PLLP: variants seen among roughly 807,000 people sequenced by gnomAD.
PLLP encodes the protein plasma membrane proteolipid (plasmolipin).
PLLP carries 15 observed loss-of-function variants against 19.7 expected under a neutral mutation model. That is an observed-to-expected ratio of 0.76 (90% CI 0.51 to 1.17). The LOEUF (loss-of-function observed/expected upper bound fraction) is 1.17. Ranked by LOEUF, PLLP falls within the 50% of genes most tolerant of loss-of-function variation. The pLI is 0.00. For missense variants in PLLP, 255 were observed against 258.3 expected (o/e 0.99, Z 0.09); for synonymous variants, 111 against 116.3 (o/e 0.95, Z 0.29).
At chr16:57,273,452 G>A (rs916474771) in intron 1 of PLLP, among the ~76,000 whole-genome samples, 2 of 152,128 alleles carry the variant, frequency 1.3e-5, no homozygotes, top group South Asian at 2.1e-4. Flanking sequence ...CTCCCTGCCT[G>A]CAACTCCCTG....
At chr16:57,263,897 A>G (rs932878667) in intron 1 of PLLP, among the ~76,000 whole-genome samples, 3 of 152,212 alleles carry the variant, frequency 2.0e-5, no homozygotes, top group Non-Finnish European at 4.4e-5. Flanking sequence ...GCGCCCAGGT[A>G]CATGGCACCA....
In PLLP at chr16:57,284,484, G is replaced by C. The variant is rs1309522777; in HGVS notation, c.57C>G (p.Ala19=). The change falls in exon 1 of 4, where the codon GCC becomes GCG. Residue 19 remains alanine (A), a synonymous_variant. Coordinates refer to ENST00000219207, the MANE Select transcript of PLLP (RefSeq NM_015993.3). The part of the protein sequence containing the change: ...STRTSSPAQG[A]EASVSALRPD... Reference sequence around the variant, plus strand: ...GGCGCAGCGCCGACACCGAGGCTTCGGCGCCCTGCGCAGGACTGCTGGTCC... The same window carrying C: ...GGCGCAGCGCCGACACCGAGGCTTCCGCGCCCTGCGCAGGACTGCTGGTCC... The C allele has an allele frequency of 1.4e-6, 2 of 1,440,416 alleles. No homozygotes were observed. The highest frequency in any genetic ancestry group is 9.2e-7 in the Non-Finnish European group (1 of 1,091,960). The allele number at this position is 1,440,416 out of a possible 1,614,324, so 89.2% of individuals were successfully genotyped here.
chr16:57,279,733 C>T (rs946446625), intron 1 of PLLP, among the ~76,000 whole-genome samples: 5 of 151,876 alleles, frequency 3.3e-5, no homozygotes, highest in African/African-American at 1.2e-4. Flanking sequence ...AGTGCAGTGA[C>T]GTGATCATGG....
chr16:57,277,567 G>T (rs1309017210), intron 1 of PLLP, among the ~76,000 whole-genome samples: 1 of 152,066 alleles, frequency 6.6e-6, no homozygotes, highest in Non-Finnish European at 1.5e-5. Flanking sequence ...CTCCAGCCTG[G>T]GTGACAGAGC....
intron 1 of PLLP, among the ~76,000 whole-genome samples, chr16:57,266,400 A>T (rs1401120122): frequency 6.6e-6 from 1 of 152,176 alleles, no homozygotes; most frequent in African/African-American, 2.4e-5. Context: ...AACCAGACAG[A>T]CTGGTTTCTC....
chr16:57,283,072 A>G (rs1192110043), intron 1 of PLLP, among the ~76,000 whole-genome samples: 3 of 152,132 alleles, frequency 2.0e-5, no homozygotes, highest in African/African-American at 7.2e-5. Context: ...CTCTTCCCTC[A>G]GAAGACAGAA....
rs1567528061 is a variant in PLLP at position 57,256,664 on chromosome 16, A to G, written c.*249T>C. ...GAGACACAGCCTCAGATCCCCCGTC[A>G]TCTTCCACTGAATAAGGGGGATGGA... On this transcript the variant is annotated 3_prime_UTR_variant, in exon 4 of 4. Transcript: ENST00000219207. 4.1e-6 allele frequency: 2 copies of G among 487,296 alleles called. No homozygotes were observed. The highest frequency in any genetic ancestry group is 3.9e-5 in the African/African-American group (2 of 51,530). The allele number at this position is 487,296 out of a possible 1,614,324, so 30.2% of individuals were successfully genotyped here. A position where few individuals can be genotyped will look rare whatever the true frequency, so the allele number is the denominator to read the frequency against.
rs958530170 is a variant in PLLP, at chr16:57,256,372, G to C, written c.*541C>G. On this transcript the variant is annotated 3_prime_UTR_variant, in exon 4 of 4. Transcript: ENST00000219207. ...ACTGGTATGTCTGAAATGCAGGGAGGGAAGACCATGCTGTCAGCAATCAAC... is the reference window on the plus strand; with the variant it reads ...ACTGGTATGTCTGAAATGCAGGGAGCGAAGACCATGCTGTCAGCAATCAAC... 7.5e-6 allele frequency: 2 copies of C among 265,682 alleles called. No homozygotes were observed. Among genetic ancestry groups the C allele is most frequent in the South Asian group, 3.4e-4 (2 of 5,822 alleles). 16.5% of individuals were successfully genotyped at this position (265,682 alleles called of 1,614,324 possible). A position where few individuals can be genotyped will look rare whatever the true frequency, so the allele number is the denominator to read the frequency against.
At chr16:57,279,696 G>A (rs983476272) in intron 1 of PLLP, among the ~76,000 whole-genome samples, 4 of 151,356 alleles carry the variant, frequency 2.6e-5, no homozygotes, top group Admixed American at 2.6e-4. Flanking sequence ...AAAAAAAGTA[G>A]GGGTCTTACT....
chr16:57,280,043 T>C (rs1283521662), intron 1 of PLLP, among the ~76,000 whole-genome samples: 2 of 152,240 alleles, frequency 1.3e-5, no homozygotes, highest in African/African-American at 4.8e-5. Context: ...AGCTCTGGTC[T>C]GTCCTGATCC....
At position 57,258,590 on chromosome 16, in the gene PLLP, G is replaced by A. The variant is rs1340875389; in HGVS notation, c.310-6C>T. On this transcript the variant is annotated splice_region_variant and splice_polypyrimidine_tract_variant and intron_variant, in intron 2 of 3. Transcript: ENST00000219207. ...CTGATGTTAAAGATCATTAACTGCA[G>A]GACATGGGGGTAGGGAGTGGGGAGA... 1 of 1,612,532 alleles carries A rather than the reference G, an allele frequency of 6.2e-7. No homozygotes were observed.
chr16:57,274,661 C>T (rs757739050), intron 1 of PLLP, among the ~76,000 whole-genome samples: 8 of 152,028 alleles, frequency 5.3e-5, no homozygotes, highest in Non-Finnish European at 1.2e-4. Context: ...CCATGTTGGC[C>T]AGGCTGGTCT....
intron 1 of PLLP, among the ~76,000 whole-genome samples, chr16:57,268,141 C>T (rs983728031): frequency 1.2e-4 from 18 of 152,160 alleles, no homozygotes; most frequent in African/African-American, 4.1e-4. Context: ...ATGGGACAGA[C>T]TCTCCCTCAG....
chr16:57,277,396 C>G (rs1901166665), intron 1 of PLLP, among the ~76,000 whole-genome samples: 1 of 152,146 alleles, frequency 6.6e-6, no homozygotes, highest in Admixed American at 6.5e-5. Flanking sequence ...TTGAGACCAG[C>G]CTGATCAACA....
chr16:57,256,941 G>A lies in PLLP; in HGVS notation c.521C>T (p.Thr174Ile). 6.2e-7 allele frequency: 1 copy of A among 1,613,220 alleles called. No individual in the cohort carries two copies. Among genetic ancestry groups the A allele is most frequent in the Non-Finnish European group, 8.5e-7 (1 of 1,179,364 alleles). The change falls in exon 4 of 4, where the codon ACC becomes ATC. Residue 174 changes from threonine to isoleucine, a missense_variant. Physicochemically the swap from Thr to Ile is moderately conservative, Grantham distance 89 (BLOSUM62 -1). Transcript: ENST00000219207. ...GGCATAGCCGCCAGCCATCTGACTG[G>A]TGGCCGCATTGCTGCCTACTCCTCG... is the stretch of plus-strand genomic sequence containing the variant. ...AWRGVGSNAA[T>I]SQMAGGYA
intron 1 of PLLP, among the ~76,000 whole-genome samples, chr16:57,281,022 T>G (rs7189707): frequency 5.3e-5 from 8 of 152,044 alleles, no homozygotes; most frequent in African/African-American, 1.9e-4. Flanking sequence ...TAGCTTCCAT[T>G]TTCTCATTTA....
At position 57,284,503 on chromosome 16, in the gene PLLP, C is replaced by T; in HGVS notation, c.38G>A (p.Ser13Asn). 7.1e-7 allele frequency: 1 copy of T among 1,410,262 alleles called. No homozygotes were observed. Among genetic ancestry groups the T allele is most frequent in the Admixed American group, 2.6e-5 (1 of 37,856 alleles). The allele number at this position is 1,410,262 out of a possible 1,614,324, so 87.4% of individuals were successfully genotyped here. A position where few individuals can be genotyped will look rare whatever the true frequency, so the allele number is the denominator to read the frequency against. ...GGCTTCGGCGCCCTGCGCAGGACTG[C>T]TGGTCCGCGTGCTAACTTTCGACGG... ...EFPSKVSTRT[S>N]SPAQGAEASV... is the part of the protein sequence containing the mutation. Residue 13 changes from serine to asparagine, a missense_variant, in exon 1 of 4, where the codon AGC becomes AAC. By Grantham distance (46) the Ser-to-Asn change is conservative. Transcript: ENST00000219207.
intron 1 of PLLP, among the ~76,000 whole-genome samples, chr16:57,276,893 AG>A (rs1388446653): frequency 2.6e-5 from 4 of 152,324 alleles, no homozygotes; most frequent in Middle Eastern, 3.4e-3. Flanking sequence ...GGTGCGCAAC[AG>A]CAAAGGAATA....
At chr16:57,265,483 A>T (rs2075454337) in intron 1 of PLLP, among the ~76,000 whole-genome samples, 1 of 152,248 alleles carries the variant, frequency 6.6e-6, no homozygotes, top group African/African-American at 2.4e-5. Context: ...ACTAAAGGAA[A>T]GTCAGAAAAT....
Sources: allele counts gnomAD v4.1 joint callset (sites outside exome capture counted in the v4.1 genomes callset), GRCh38; gene constraint gnomAD v4.1.1; transcripts MANE v1.5; gene names NCBI Gene and HGNC (gene_info 2026-07-23, HGNC 2026-07-21).